SYT9: variants seen among roughly 807,000 people sequenced by gnomAD.
SYT9 encodes synaptotagmin 9, also known as synaptotagmin-9.
SYT9 carries 22 observed loss-of-function variants against 48.4 expected under a neutral mutation model. That is an observed-to-expected ratio of 0.45 (90% CI 0.32 to 0.65). The LOEUF is 0.65. SYT9 is among the 30% of genes least tolerant of loss of function. The pLI, the probability that SYT9 is intolerant of heterozygous loss-of-function variation, is 0.03. For missense variants in SYT9, 577 were observed against 622.0 expected (o/e 0.93, Z 0.77); for synonymous variants, 265 against 245.0 (o/e 1.08, Z -0.76).
At chr11:7,432,359 C>A (rs1016388465) in intron 6 of SYT9, among the ~76,000 whole-genome samples, 2 of 151,636 alleles carry the variant, frequency 1.3e-5, no homozygotes, top group Non-Finnish European at 2.9e-5. Flanking sequence ...CCAGCCTGGA[C>A]AACATGGTGA....
chr11:7,366,247 A>T (rs974915476), intron 3 of SYT9, among the ~76,000 whole-genome samples: 8 of 152,112 alleles, frequency 5.3e-5, no homozygotes, highest in African/African-American at 1.9e-4. Context: ...CATACAGACT[A>T]TTATTCTAAC....
intron 6 of SYT9, among the ~76,000 whole-genome samples, chr11:7,451,368 G>A (rs981962228): frequency 6.6e-6 from 1 of 152,158 alleles, no homozygotes; most frequent in Non-Finnish European, 1.5e-5. Context: ...ACTAAATGTT[G>A]TATTTGCAAA....
At chr11:7,309,592 G>C (rs1007800157) in intron 2 of SYT9, among the ~76,000 whole-genome samples, 1 of 152,204 alleles carries the variant, frequency 6.6e-6, no homozygotes, top group Non-Finnish European at 1.5e-5. Flanking sequence ...GGGTGGGGGA[G>C]GCTCAGGTAA....
intron 3 of SYT9, among the ~76,000 whole-genome samples, chr11:7,358,694 T>G (rs1850069484): frequency 6.6e-6 from 1 of 152,222 alleles, no homozygotes; most frequent in Non-Finnish European, 1.5e-5. Flanking sequence ...GATAATATTG[T>G]TTTACATTTT....
chr11:7,364,314 A>C (rs1375294520), intron 3 of SYT9, among the ~76,000 whole-genome samples: 2 of 152,238 alleles, frequency 1.3e-5, no homozygotes, highest in Non-Finnish European at 2.9e-5. Flanking sequence ...ACATGAAGTC[A>C]GAAGCAAAGT....
Position 7,252,866 on chromosome 11 carries a change from G to C in SYT9, c.145+535G>C, listed in dbSNP as rs1174772849. On this transcript the variant is annotated intron_variant, in intron 1 of 6. Transcript: ENST00000318881. This position sits in a 1 kb window ranked among gnomAD's most constrained non-coding sequence, Gnocchi z 6.3. ...GGGACGCGATCCGGCGTTGGGCCGG[G>C]GACAGGGTGCTTCTGGCCTTGGGCA... Among the ~76,000 whole-genome samples the C allele has an allele frequency of 6.6e-6, 1 of 152,230 alleles. No individual in the cohort carries two copies. Among genetic ancestry groups the C allele is most frequent in the African/African-American group, 2.4e-5 (1 of 41,470 alleles).
At chr11:7,395,390 T>C (rs1463172062) in intron 3 of SYT9, among the ~76,000 whole-genome samples, 3 of 152,058 alleles carry the variant, frequency 2.0e-5, no homozygotes, top group African/African-American at 7.2e-5. Context: ...TTTAAATCTA[T>C]AATTTGTTTG....
chr11:7,305,253 C>T (rs574920245), intron 2 of SYT9, among the ~76,000 whole-genome samples: 89 of 152,276 alleles, frequency 5.8e-4, no homozygotes, highest in African/African-American at 2.1e-3. Flanking sequence ...ATTATCTTTT[C>T]TGATGGCAAA....
intron 2 of SYT9, among the ~76,000 whole-genome samples, chr11:7,304,274 C>T (rs1848995342): frequency 6.6e-6 from 1 of 152,190 alleles, no homozygotes; most frequent in African/African-American, 2.4e-5. Context: ...ATGGCCTCTC[C>T]CAAGGCTCAG....
intron 1 of SYT9, among the ~76,000 whole-genome samples, chr11:7,241,410 G>T (rs1847739169): frequency 6.6e-6 from 1 of 152,310 alleles, no homozygotes; most frequent in East Asian, 1.9e-4. Context: ...GAAAGAAAAT[G>T]TATGTTCAGT....
At chr11:7,395,320 A>C (rs746491682) in intron 3 of SYT9, among the ~76,000 whole-genome samples, 12 of 152,258 alleles carry the variant, frequency 7.9e-5, no homozygotes, top group African/African-American at 2.9e-4. Flanking sequence ...TGTACATTCT[A>C]TGATTGTTGA....
chr11:7,341,788 A>G (rs1198876521), intron 3 of SYT9, among the ~76,000 whole-genome samples: 1 of 152,140 alleles, frequency 6.6e-6, no homozygotes, highest in Admixed American at 6.5e-5. Flanking sequence ...TCATATTTGC[A>G]AGAAGCAGTC....
chr11:7,304,314 G>A (rs1418329248), intron 2 of SYT9, among the ~76,000 whole-genome samples: 2 of 152,326 alleles, frequency 1.3e-5, no homozygotes, highest in Non-Finnish European at 2.9e-5. Context: ...TTGAGGCTAA[G>A]CAGCCAGTTC....
At chr11:7,345,726 G>T (rs1849788195) in intron 3 of SYT9, among the ~76,000 whole-genome samples, 1 of 152,230 alleles carries the variant, frequency 6.6e-6, no homozygotes, top group Non-Finnish European at 1.5e-5. Context: ...CAGGGCCTGA[G>T]TTGGAAATAT....
chr11:7,320,938 A>G (rs528644021), intron 3 of SYT9, among the ~76,000 whole-genome samples: 62 of 152,252 alleles, frequency 4.1e-4, no homozygotes, highest in Non-Finnish European at 6.8e-4. Context: ...TTCTGGGTTA[A>G]TGTTGTCTGT....
At chr11:7,397,498 G>A (rs1846778690) in intron 3 of SYT9, among the ~76,000 whole-genome samples, 1 of 152,022 alleles carries the variant, frequency 6.6e-6, no homozygotes, top group Non-Finnish European at 1.5e-5. Context: ...AAGTTTGAAT[G>A]TTCTAGGTTC....
At chr11:7,335,929 C>T (rs967529527) in intron 3 of SYT9, among the ~76,000 whole-genome samples, 22 of 152,250 alleles carry the variant, frequency 1.4e-4, no homozygotes, top group Admixed American at 3.3e-4. Flanking sequence ...CTGCTTTCCA[C>T]GATGGTTGAA....
chr11:7,344,929 T>TACACACACACACACACAC (rs60652691), intron 3 of SYT9, among the ~76,000 whole-genome samples: 3 of 149,022 alleles, frequency 2.0e-5, no homozygotes, highest in South Asian at 2.2e-4. Flanking sequence ...CTCATTATTT[T>TACACACACACACACACAC]ACACACACAC....
At chr11:7,349,199 G>A (rs532378326) in intron 3 of SYT9, among the ~76,000 whole-genome samples, 47 of 152,088 alleles carry the variant, frequency 3.1e-4, no homozygotes, top group Admixed American at 1.4e-3. Context: ...GGGACTGGGG[G>A]GAGGGGAAAT....
Sources: allele counts gnomAD v4.1 joint callset (sites outside exome capture counted in the v4.1 genomes callset), GRCh38; gene constraint gnomAD v4.1.1; non-coding constraint Gnocchi (gnomAD v3.1); transcripts MANE v1.5; gene names NCBI Gene and HGNC (gene_info 2026-07-23, HGNC 2026-07-21).